The following DNER variants were observed in gnomAD, a reference collection of about 807,000 sequenced individuals.
The protein encoded by DNER is delta/notch like EGF repeat containing.
Under a neutral mutation model 78.2 loss-of-function variants are expected in DNER, and 33 were observed. The ratio of observed to expected loss-of-function variants is 0.42; its 90% CI spans 0.32 to 0.56. The LOEUF is 0.56. Ranked by LOEUF, DNER falls within the 20% of genes least tolerant of loss-of-function variation. The pLI is 0.11. For missense variants in DNER, 918 were observed against 975.3 expected, an observed-to-expected ratio of 0.94 and a Z score of 0.78; for synonymous variants, 417 against 384.8, an observed-to-expected ratio of 1.08 and a Z score of -0.98.
chr2:229,540,267 G>A (rs1017552760), intron 5 of DNER, among the ~76,000 whole-genome samples: 1 of 152,036 alleles, frequency 6.6e-6, no homozygotes, highest in African/African-American at 2.4e-5. Context: ...ATTCCAGATG[G>A]GGAACAGCAT....
chr2:229,371,820 T>C lies in DNER; in HGVS notation c.1856-4701A>G, dbSNP rs891081301. Among the ~76,000 whole-genome samples the C allele has an allele frequency of 9.8e-5, 15 of 152,354 alleles. No homozygotes were observed. In the East Asian group the frequency reaches 2.3e-3, roughly 24 times the overall value. ...CTATGTTATTTTTAAAAAGAGCAAG[T>C]TATTTTTAAAAAGAGCAAGTTAAAA... On this transcript the variant is annotated intron_variant, in intron 11 of 12. Coordinates refer to ENST00000341772, the MANE Select transcript of DNER (RefSeq NM_139072.4).
At chr2:229,414,806 G>C (rs6712150) in intron 9 of DNER, among the ~76,000 whole-genome samples, 1 of 151,904 alleles carries the variant, frequency 6.6e-6, no homozygotes, top group Admixed American at 6.6e-5. Context: ...ATGCAATTAA[G>C]GTCCCTAATC....
rs543700197 is a variant in DNER at position 229,372,233 on chromosome 2, C to G, written c.1856-5114G>C. Among the ~76,000 whole-genome samples the G allele has an allele frequency of 2.0e-5, 3 of 152,316 alleles. No individual in the cohort carries two copies. The East Asian group carries it at 5.8e-4, about 29-fold the overall frequency. ...TTTTCTGAGGGATGCAGGGATCAGG[C>G]AAATGATCCCCAAAACAAAGTAAAA... On this transcript the variant is annotated intron_variant, in intron 11 of 12. Coordinates refer to ENST00000341772, the MANE Select transcript of DNER (RefSeq NM_139072.4).
Position 229,534,682 on chromosome 2 carries a change from C to T in DNER, c.993+12265G>A, listed in dbSNP as rs571699506. Among the ~76,000 whole-genome samples the T allele has an allele frequency of 4.6e-5, 7 of 152,262 alleles. No individual in the cohort carries two copies. The South Asian group carries it at 1.0e-3, about 23-fold the overall frequency. ...AAAATCCAGCTGTCTTCTTTTAAAA[C>T]AGACATTAAAGAAATTTGTAAAACT... On this transcript the variant is annotated intron_variant, in intron 5 of 12. Coordinates refer to ENST00000341772, the MANE Select transcript of DNER (RefSeq NM_139072.4).
At chr2:229,609,171 T>C (rs1697999041) in intron 1 of DNER, among the ~76,000 whole-genome samples, 1 of 152,154 alleles carries the variant, frequency 6.6e-6, no homozygotes, top group Non-Finnish European at 1.5e-5. Context: ...TGCAGTGAGC[T>C]AAGATCACGC....
At chr2:229,597,415 A>T (rs888259613) in intron 1 of DNER, among the ~76,000 whole-genome samples, 2 of 152,198 alleles carry the variant, frequency 1.3e-5, no homozygotes, top group South Asian at 2.1e-4. Context: ...AGATTTTTTT[A>T]AAGTTCGTAT....
intron 9 of DNER, among the ~76,000 whole-genome samples, chr2:229,410,753 A>G (rs1693493444): frequency 6.6e-6 from 1 of 152,256 alleles, no homozygotes; most frequent in Non-Finnish European, 1.5e-5. Flanking sequence ...ATAAGCTAGA[A>G]TTCAAAAAGC....
chr2:229,474,097 G>A (rs936814546), intron 7 of DNER, among the ~76,000 whole-genome samples: 7 of 152,084 alleles, frequency 4.6e-5, no homozygotes, highest in Non-Finnish European at 7.4e-5. Context: ...GTAGAGACAG[G>A]GTTTTGCCAT....
At chr2:229,407,103 C>T in intron 10 of DNER, 129 bp downstream of exon 10, 1 of 790,022 alleles carries the variant, frequency 1.3e-6, no homozygotes, top group Non-Finnish European at 2.1e-6. Context: ...CAAGCCATGC[C>T]TCCTTACATT....
At chr2:229,498,800 T>C (rs1695552159) in intron 6 of DNER, among the ~76,000 whole-genome samples, 1 of 152,176 alleles carries the variant, frequency 6.6e-6, no homozygotes, top group Non-Finnish European at 1.5e-5. Flanking sequence ...TGTTCATGGA[T>C]GGGAAGAGTT....
At chr2:229,548,748 A>C (rs1696671144) in intron 4 of DNER, among the ~76,000 whole-genome samples, 1 of 152,224 alleles carries the variant, frequency 6.6e-6, no homozygotes, top group Non-Finnish European at 1.5e-5. Flanking sequence ...ATAATAAAAA[A>C]TATATAAAAA....
At chr2:229,385,966 T>C (rs935873360) in intron 11 of DNER, among the ~76,000 whole-genome samples, 1 of 151,236 alleles carries the variant, frequency 6.6e-6, no homozygotes, top group African/African-American at 2.4e-5. Context: ...ATTGGAAAAA[T>C]CTACTTTAAA....
At chr2:229,626,614 C>T (rs1698349227) in intron 1 of DNER, among the ~76,000 whole-genome samples, 1 of 152,160 alleles carries the variant, frequency 6.6e-6, no homozygotes, top group African/African-American at 2.4e-5. Flanking sequence ...TCCTATACCC[C>T]ATCTGCCTGT....
At chr2:229,632,740 A>G (rs1698452440) in intron 1 of DNER, among the ~76,000 whole-genome samples, 1 of 152,230 alleles carries the variant, frequency 6.6e-6, no homozygotes, top group African/African-American at 2.4e-5. Context: ...AGATGATATT[A>G]ATTAGTAAAC....
chr2:229,565,424 G>A (rs547071889), intron 4 of DNER, among the ~76,000 whole-genome samples: 2 of 152,160 alleles, frequency 1.3e-5, no homozygotes, highest in Admixed American at 6.5e-5. Context: ...TTCATGCCCC[G>A]TCTCTCCATT....
chr2:229,635,361 GAAAAAA>G lies in DNER; in HGVS notation c.277-43479_277-43474del, dbSNP rs58220819. 2.5e-3 allele frequency among the ~76,000 whole-genome samples: 215 copies of G among 85,874 alleles called. 2 individuals carry two copies. Among genetic ancestry groups the G allele is most frequent in the East Asian group, 0.011 (28 of 2,598 alleles). The allele number at this position is 85,874 out of a possible 152,430, so 56.3% of individuals were successfully genotyped here. A position where few individuals can be genotyped will look rare whatever the true frequency, so the allele number is the denominator to read the frequency against. On this transcript the variant is annotated intron_variant, in intron 1 of 12. Transcript: ENST00000341772. Reference sequence around the variant, plus strand: ...CTATGGATGCACTAAGGTCCCACAGGAAAAAAAAAAAAAAAAAAAAAAAACTCCCAT... The same window carrying G: ...CTATGGATGCACTAAGGTCCCACAGGAAAAAAAAAAAAAAAAAACTCCCAT...
At chr2:229,509,687 G>A (rs936828156) in intron 6 of DNER, among the ~76,000 whole-genome samples, 2 of 152,174 alleles carry the variant, frequency 1.3e-5, no homozygotes, top group Non-Finnish European at 2.9e-5. Flanking sequence ...GGTAGTGGGT[G>A]CCTGTAATCC....
intron 7 of DNER, among the ~76,000 whole-genome samples, chr2:229,467,355 A>G (rs372120044): frequency 2.7e-4 from 41 of 152,342 alleles, no homozygotes; most frequent in African/African-American, 8.7e-4. Context: ...AGGAGATGAA[A>G]TTAGATTAGA....
chr2:229,560,953 T>C (rs1696947046), intron 4 of DNER, among the ~76,000 whole-genome samples: 1 of 152,158 alleles, frequency 6.6e-6, no homozygotes, highest in Admixed American at 6.5e-5. Flanking sequence ...CACTGAAGAA[T>C]GTCACTTGCC....
Sources: gnomAD v4.1 joint callset for allele counts (sites outside exome capture counted in the v4.1 genomes callset) on GRCh38, gnomAD v4.1.1 for gene constraint, MANE v1.5 for transcripts, NCBI Gene and HGNC (gene_info 2026-07-23, HGNC 2026-07-21) for gene names.